The following NXPE2 variants were observed in gnomAD, a reference collection of about 807,000 sequenced individuals.
The protein encoded by NXPE2 is neurexophilin and PC-esterase domain family member 2, also known as NXPE family member 2.
Under a neutral mutation model 34.4 loss-of-function variants are expected in NXPE2, and 34 were observed. The observed-to-expected ratio is 0.99, with a 90% CI of 0.75 to 1.31. The LOEUF is 1.31. Ranked by LOEUF, NXPE2 falls within the 40% of genes most tolerant of loss-of-function variation. NXPE2 has a pLI of 0.00. For missense variants in NXPE2, 649 were observed against 672.5 expected (o/e 0.97, Z 0.39); for synonymous variants, 235 against 231.3 (o/e 1.02, Z -0.15).
the NXPE2 span, among the ~76,000 whole-genome samples, chr11:114,751,312 C>T: frequency 2.0e-5 from 3 of 152,126 alleles, no homozygotes; most frequent in Non-Finnish European, 2.9e-5. Flanking sequence ...ATACACCATT[C>T]GTTGGTTGAT....
chr11:114,740,550 T>A, the NXPE2 span, among the ~76,000 whole-genome samples: 6 of 151,972 alleles, frequency 3.9e-5, no homozygotes, highest in African/African-American at 7.2e-5. Context: ...ATGCTTTTTT[T>A]AAAAAAAATG....
the NXPE2 span, among the ~76,000 whole-genome samples, chr11:114,535,942 T>C: frequency 6.6e-6 from 1 of 152,154 alleles, no homozygotes; most frequent in South Asian, 2.1e-4. Flanking sequence ...CTAATAGACA[T>C]CTACAGAACT....
the NXPE2 span, among the ~76,000 whole-genome samples, chr11:114,803,335 G>A: frequency 8.0e-3 from 1,221 of 152,322 alleles, 15 homozygotes; most frequent in African/African-American, 0.025. Context: ...AATAGTGACA[G>A]TTGGCCTATT....
chr11:114,582,467 A>G, the NXPE2 span: 1 of 1,614,080 alleles, frequency 6.2e-7, no homozygotes, highest in Non-Finnish European at 8.5e-7. Context: ...GGCCACATTC[A>G]GAGTGGACTT....
At chr11:114,603,647 G>A in the NXPE2 span, among the ~76,000 whole-genome samples, 1 of 151,634 alleles carries the variant, frequency 6.6e-6, no homozygotes, top group Non-Finnish European at 1.5e-5. Flanking sequence ...ATTACCTGGT[G>A]GATGGCAAGT....
the NXPE2 span, among the ~76,000 whole-genome samples, chr11:114,790,439 A>G: frequency 6.6e-6 from 1 of 152,212 alleles, no homozygotes; most frequent in Non-Finnish European, 1.5e-5. Context: ...TTATAGAAGG[A>G]GAAGTTACAC....
At chr11:114,630,401 T>C in the NXPE2 span, among the ~76,000 whole-genome samples, 1 of 151,706 alleles carries the variant, frequency 6.6e-6, no homozygotes, top group East Asian at 1.9e-4. Flanking sequence ...TTGAGAAACC[T>C]GAGAAAAACA....
the NXPE2 span, among the ~76,000 whole-genome samples, chr11:114,492,115 A>T: frequency 6.6e-6 from 1 of 152,294 alleles, no homozygotes; most frequent in African/African-American, 2.4e-5. Flanking sequence ...CATATGTAAC[A>T]AACCTGCACA....
At chr11:114,507,470 G>T in the NXPE2 span, among the ~76,000 whole-genome samples, 2 of 152,104 alleles carry the variant, frequency 1.3e-5, no homozygotes, top group African/African-American at 4.8e-5. Flanking sequence ...TATTCTTGAT[G>T]AACATCGATG....
At chr11:114,614,498 C>T in the NXPE2 span, among the ~76,000 whole-genome samples, 11 of 151,566 alleles carry the variant, frequency 7.3e-5, no homozygotes, top group East Asian at 2.0e-4. Flanking sequence ...CACAGTTACC[C>T]GGTGGATAAT....
chr11:114,586,737 T>C, the NXPE2 span, among the ~76,000 whole-genome samples: 2 of 152,228 alleles, frequency 1.3e-5, no homozygotes, highest in Admixed American at 6.5e-5. Context: ...TGATGGGTGA[T>C]GGCAACAGGA....
At chr11:114,561,785 C>T in the NXPE2 span, among the ~76,000 whole-genome samples, 1 of 152,120 alleles carries the variant, frequency 6.6e-6, no homozygotes, top group African/African-American at 2.4e-5. Flanking sequence ...ATGTTTGGCG[C>T]TTTTAATGGC....
chr11:114,722,310 T>A, the NXPE2 span, among the ~76,000 whole-genome samples: 1 of 152,204 alleles, frequency 6.6e-6, no homozygotes, highest in East Asian at 1.9e-4. Context: ...CTTCTCACTC[T>A]CTCTTGGCTG....
chr11:114,625,931 T>C, the NXPE2 span, among the ~76,000 whole-genome samples: 2 of 151,972 alleles, frequency 1.3e-5, no homozygotes, highest in African/African-American at 4.8e-5. Flanking sequence ...ACCTGGAAAA[T>C]CAGGTCACTC....
At chr11:114,793,801 G>A in the NXPE2 span, among the ~76,000 whole-genome samples, 3 of 152,272 alleles carry the variant, frequency 2.0e-5, no homozygotes, top group East Asian at 1.9e-4. Flanking sequence ...AGAGAAGGAT[G>A]TTATTTTAAG....
chr11:114,760,728 T>C, the NXPE2 span, among the ~76,000 whole-genome samples: 200 of 152,126 alleles, frequency 1.3e-3, no homozygotes, highest in Non-Finnish European at 2.1e-3. Context: ...TCTCCAAATG[T>C]AAAAAGAGAG....
chr11:114,623,521 C>T, the NXPE2 span, among the ~76,000 whole-genome samples: 2 of 152,062 alleles, frequency 1.3e-5, no homozygotes, highest in Non-Finnish European at 2.9e-5. Context: ...AGTATTCCCT[C>T]GTGGATAAAC....
At chr11:114,795,314 G>A in the NXPE2 span, among the ~76,000 whole-genome samples, 1 of 152,176 alleles carries the variant, frequency 6.6e-6, no homozygotes, top group East Asian at 1.9e-4. Context: ...TTTTTCAGTA[G>A]GGATTGGCTA....
the NXPE2 span, among the ~76,000 whole-genome samples, chr11:114,740,901 C>A: frequency 6.6e-6 from 1 of 152,062 alleles, no homozygotes; most frequent in Non-Finnish European, 1.5e-5. Context: ...ATGGATGACT[C>A]CTTAATCATC....
Sources: gnomAD v4.1 joint callset for allele counts (sites outside exome capture counted in the v4.1 genomes callset) on GRCh38, gnomAD v4.1.1 for gene constraint, MANE v1.5 for transcripts, NCBI Gene and HGNC (gene_info 2026-07-23, HGNC 2026-07-21) for gene names.